The following AGPS variants were observed in gnomAD, a reference collection of about 807,000 sequenced individuals.
AGPS encodes alkylglycerone phosphate synthase, also known as alkyldihydroxyacetonephosphate synthase, peroxisomal.
In AGPS, 26 loss-of-function variants were observed where a neutral mutation model predicts 90.7. The observed-to-expected ratio is 0.29, with a 90% confidence interval of 0.21 to 0.40. The LOEUF (loss-of-function observed/expected upper bound fraction) is 0.40. Ranked by LOEUF, AGPS falls within the 10% of genes least tolerant of loss-of-function variation. AGPS has a pLI of 1.00. For synonymous variants in AGPS, 294 were observed against 285.3 expected (o/e 1.03, Z -0.31); for missense variants, 540 against 816.1 (o/e 0.66, Z 4.12).
At chr2:177,407,794 T>C (rs1685507188) in intron 1 of AGPS, among the ~76,000 whole-genome samples, 1 of 14,810 alleles carries the variant, frequency 6.8e-5, no homozygotes, top group South Asian at 1.8e-3. Flanking sequence ...CAAATTTCCT[T>C]TTTTTTTTTT....
At chr2:177,423,521 GGAAA>G (rs1022233585) in intron 2 of AGPS, among the ~76,000 whole-genome samples, 9 of 152,064 alleles carry the variant, frequency 5.9e-5, no homozygotes, top group Admixed American at 3.9e-4. Flanking sequence ...TAACAGAGCT[GGAAA>G]GAAAGAAAGG....
Position 177,420,240 on chromosome 2 carries a change from C to G in AGPS, c.261-29C>G, listed in dbSNP as rs1328792301. On this transcript the variant is annotated intron_variant, in intron 1 of 19. Coordinates refer to ENST00000264167, the MANE Select transcript of AGPS (RefSeq NM_003659.4). ...CAGTTTTAAGATGTTTAGCATTGGT[C>G]TCACTTATATATATTTTCTTCTCAC... The G allele has an allele frequency of 7.2e-6, 10 of 1,393,500 alleles. No individual in the cohort carries two copies. The Admixed American group carries it at 1.3e-4, about 19-fold the overall frequency. The allele number at this position is 1,393,500 out of a possible 1,614,324, so 86.3% of individuals were successfully genotyped here.
intron 1 of AGPS, among the ~76,000 whole-genome samples, chr2:177,409,981 G>A (rs896367495): frequency 1.3e-5 from 2 of 152,126 alleles, no homozygotes; most frequent in African/African-American, 2.4e-5. Flanking sequence ...CCATCTGATG[G>A]GTGCTATCAA....
chr2:177,529,853 GTGACCTTAGGGAAATAATTTCTC>G (rs1321508987), intron 19 of AGPS, among the ~76,000 whole-genome samples: 1 of 152,204 alleles, frequency 6.6e-6, no homozygotes, highest in African/African-American at 2.4e-5. Context: ...ATTTAACTGT[GTGACCTTAGGGAAATAATTTCTC>G]TGACTTACAC....
intron 18 of AGPS, among the ~76,000 whole-genome samples, chr2:177,523,390 CTT>C (rs1296017320): frequency 6.6e-5 from 10 of 152,182 alleles, no homozygotes; most frequent in Admixed American, 6.5e-4. Flanking sequence ...ATTTTAGTCA[CTT>C]TGTTGGTATA....
chr2:177,463,343 C>G (rs1245745719), intron 9 of AGPS, among the ~76,000 whole-genome samples: 1 of 152,156 alleles, frequency 6.6e-6, no homozygotes, highest in Non-Finnish European at 1.5e-5. Context: ...GAGTAAAGGA[C>G]ATAAAATGAA....
chr2:177,499,787 T>C (rs1359373475), intron 14 of AGPS, 57 bp downstream of exon 14: 2 of 1,147,272 alleles, frequency 1.7e-6, no homozygotes, highest in African/African-American at 1.5e-5. Context: ...GATTCTAATA[T>C]CACCAAGCAA....
chr2:177,451,933 C>T (rs909209158), intron 8 of AGPS, among the ~76,000 whole-genome samples: 2 of 144,174 alleles, frequency 1.4e-5, no homozygotes, highest in African/African-American at 5.1e-5. Flanking sequence ...TTTCTTTGAT[C>T]TATGGTTTAC....
chr2:177,446,802 G>A (rs979084595), intron 8 of AGPS, among the ~76,000 whole-genome samples: 2 of 152,102 alleles, frequency 1.3e-5, no homozygotes, highest in Non-Finnish European at 2.9e-5. Context: ...GGATCTTGGT[G>A]ATATATTTCA....
chr2:177,418,534 A>G (rs1353023745), intron 1 of AGPS, among the ~76,000 whole-genome samples: 1 of 152,038 alleles, frequency 6.6e-6, no homozygotes, highest in South Asian at 2.1e-4. Flanking sequence ...ACTATTTTGT[A>G]GAGAACAGAA....
chr2:177,428,578 C>T (rs1300669851), intron 2 of AGPS, among the ~76,000 whole-genome samples: 2 of 152,146 alleles, frequency 1.3e-5, no homozygotes, highest in Non-Finnish European at 2.9e-5. Flanking sequence ...GCTTATGAAG[C>T]TTAGTTTGGC....
At chr2:177,453,695 T>TTC (rs1368917683) in intron 8 of AGPS, among the ~76,000 whole-genome samples, 12 of 137,320 alleles carry the variant, frequency 8.7e-5, no homozygotes, top group Admixed American at 3.7e-4. Context: ...TAGTAATTTT[T>TTC]TTTTTTTTTT....
chr2:177,396,196 G>A (rs2105580623), intron 1 of AGPS, among the ~76,000 whole-genome samples: 1 of 152,290 alleles, frequency 6.6e-6, no homozygotes, highest in Middle Eastern at 3.4e-3. Flanking sequence ...AAAGCAAGGG[G>A]CCATGAAAGT....
intron 8 of AGPS, among the ~76,000 whole-genome samples, chr2:177,453,687 G>C (rs1208865376): frequency 8.6e-6 from 1 of 116,748 alleles, no homozygotes; most frequent in African/African-American, 3.1e-5. Context: ...AAAATCAGTA[G>C]TAATTTTTTT....
chr2:177,438,084 G>A (rs1686470119), intron 5 of AGPS, among the ~76,000 whole-genome samples: 1 of 152,068 alleles, frequency 6.6e-6, no homozygotes, highest in South Asian at 2.1e-4. Flanking sequence ...AGTAGCTTTA[G>A]GTTACTTCTC....
At chr2:177,471,434 TCTC>T (rs1687622304) in intron 10 of AGPS, among the ~76,000 whole-genome samples, 1 of 152,200 alleles carries the variant, frequency 6.6e-6, no homozygotes, top group Non-Finnish European at 1.5e-5. Flanking sequence ...CAAGTAGCTT[TCTC>T]CTATTTTAGA....
At chr2:177,478,856 G>A (rs1687863105) in intron 10 of AGPS, among the ~76,000 whole-genome samples, 1 of 151,250 alleles carries the variant, frequency 6.6e-6, no homozygotes. Context: ...TGTCTCCCAG[G>A]CAAACTAGAT....
At chr2:177,476,591 G>A (rs912879679) in intron 10 of AGPS, among the ~76,000 whole-genome samples, 2 of 152,046 alleles carry the variant, frequency 1.3e-5, no homozygotes, top group African/African-American at 2.4e-5. Flanking sequence ...CTAGCATGTA[G>A]TCTGTCCTGG....
chr2:177,423,419 A>G (rs1463417851), intron 2 of AGPS, among the ~76,000 whole-genome samples: 2 of 152,196 alleles, frequency 1.3e-5, no homozygotes, highest in African/African-American at 2.4e-5. Context: ...GAGACTTTCT[A>G]TTCTGGCAGT....
Sources: allele counts gnomAD v4.1 joint callset (sites outside exome capture counted in the v4.1 genomes callset), GRCh38; gene constraint gnomAD v4.1.1; transcripts MANE v1.5; gene names NCBI Gene and HGNC (gene_info 2026-07-23, HGNC 2026-07-21).